ERP44: variants seen among roughly 807,000 people sequenced by gnomAD.
ERP44 encodes the protein endoplasmic reticulum protein 44, also known as endoplasmic reticulum resident protein 44.
In ERP44, 25 loss-of-function variants were observed where a neutral mutation model predicts 53.4. That is an observed-to-expected ratio of 0.47 (90% confidence interval 0.34 to 0.65). The LOEUF (loss-of-function observed/expected upper bound fraction) is 0.65, where lower values mean the gene tolerates loss of function less well. ERP44 is among the 30% of genes least tolerant of loss of function. The probability of loss-of-function intolerance (pLI) is 0.01; values close to 1 mark genes in which losing one functional copy is unlikely to be tolerated. For missense variants in ERP44, 338 were observed against 493.2 expected, an observed-to-expected ratio of 0.69 and a Z score of 2.98; for synonymous variants, 145 against 161.2, an observed-to-expected ratio of 0.90 and a Z score of 0.76.
intron 3 of ERP44, among the ~76,000 whole-genome samples, chr9:100,057,559 G>A (rs1298635583): frequency 6.6e-6 from 1 of 152,136 alleles, no homozygotes; most frequent in Admixed American, 6.5e-5. Flanking sequence ...TGTTCCCTTT[G>A]AGTCGGGGGT....
At chr9:100,068,234 G>A (rs1471820309) in intron 1 of ERP44, among the ~76,000 whole-genome samples, 1 of 145,334 alleles carries the variant, frequency 6.9e-6, no homozygotes, top group Non-Finnish European at 1.5e-5. Flanking sequence ...CCGGCCAGCC[G>A]CCCCGTACGG....
Position 100,076,780 on chromosome 9 carries a change from C to A in ERP44, c.58-16608G>T, listed in dbSNP as rs374293295. On this transcript the variant is annotated intron_variant, in intron 1 of 11. Transcript: ENST00000262455. ...GTGAGTGCTCACCAACGGGTGACTT[C>A]GGCAGAGGAGGATTTTAATAACCAA... Among the ~76,000 whole-genome samples, 9 of 152,304 alleles carry A rather than the reference C, an allele frequency of 5.9e-5. No individual in the cohort carries two copies. The East Asian group carries it at 1.4e-3, about 23-fold the overall frequency.
chr9:100,007,438 A>G, intron 9 of ERP44, 140 bp downstream of exon 9: 1 of 594,616 alleles, frequency 1.7e-6, no homozygotes, highest in Non-Finnish European at 3.0e-6. Context: ...CCTCCTTACC[A>G]TCACATTTGA....
chr9:100,026,272 A>G (rs148936446), intron 4 of ERP44, among the ~76,000 whole-genome samples: 7 of 152,318 alleles, frequency 4.6e-5, no homozygotes, highest in Admixed American at 4.6e-4. Context: ...GACAACGTCT[A>G]CTTTGGAAAG....
chr9:100,090,199 C>G (rs911416224), intron 1 of ERP44, among the ~76,000 whole-genome samples: 1 of 152,128 alleles, frequency 6.6e-6, no homozygotes, highest in Non-Finnish European at 1.5e-5. Context: ...TTATTCTCAG[C>G]CCTTTCAGAG....
intron 1 of ERP44, among the ~76,000 whole-genome samples, chr9:100,077,464 C>T (rs959157322): frequency 5.3e-5 from 8 of 152,222 alleles, no homozygotes; most frequent in African/African-American, 1.9e-4. Context: ...TGCTCTGAAT[C>T]AACATCCAAT....
chr9:100,098,727 G>C, intron 1 of ERP44, 57 bp downstream of exon 1: 1 of 1,436,598 alleles, frequency 7.0e-7, no homozygotes, highest in Admixed American at 1.7e-5. Flanking sequence ...TTCCCCCTGG[G>C]CGAGGGCCGG....
chr9:100,031,806 A>T (rs1825793577), intron 4 of ERP44, among the ~76,000 whole-genome samples: 1 of 152,022 alleles, frequency 6.6e-6, no homozygotes, highest in Admixed American at 6.6e-5. Flanking sequence ...TTTGGGAAAA[A>T]CCTCTGTTTT....
chr9:100,065,437 C>T (rs566085850), intron 1 of ERP44, among the ~76,000 whole-genome samples: 1 of 152,090 alleles, frequency 6.6e-6, no homozygotes, highest in Non-Finnish European at 1.5e-5. Context: ...CCATGCGTGA[C>T]TGTACTATAT....
intron 1 of ERP44, among the ~76,000 whole-genome samples, chr9:100,070,861 G>T (rs1826294179): frequency 6.6e-6 from 1 of 152,126 alleles, no homozygotes; most frequent in African/African-American, 2.4e-5. Flanking sequence ...CCCCCCAGAA[G>T]TAGACTCTGA....
At chr9:100,063,087 A>AAAAAAAAAAACAAAAAAAAAAAC (rs1342665956) in intron 1 of ERP44, among the ~76,000 whole-genome samples, 2 of 148,518 alleles carry the variant, frequency 1.3e-5, no homozygotes, top group Admixed American at 6.8e-5. Context: ...AAAAAAAAAA[A>AAAAAAAAAAACAAAAAAAAAAAC]AAAAAAGAGA....
At chr9:99,982,814 T>A in intron 11 of ERP44, 101 bp from the exon 12 acceptor site, 1 of 560,466 alleles carries the variant, frequency 1.8e-6, no homozygotes, top group Non-Finnish European at 2.8e-6. Context: ...CTATAATTAT[T>A]TGCTTATTAA....
intron 1 of ERP44, among the ~76,000 whole-genome samples, chr9:100,076,105 T>C (rs1238458898): frequency 6.6e-6 from 1 of 152,204 alleles, no homozygotes; most frequent in African/African-American, 2.4e-5. Context: ...CTTGGCCTGT[T>C]AGTGAGCTTT....
chr9:100,087,598 G>A (rs985470291), intron 1 of ERP44, among the ~76,000 whole-genome samples: 1 of 152,096 alleles, frequency 6.6e-6, no homozygotes, highest in Non-Finnish European at 1.5e-5. Flanking sequence ...AAGCAGGAGA[G>A]GTCTTTATCT....
chr9:100,009,486 C>G (rs1413999732), intron 8 of ERP44, among the ~76,000 whole-genome samples: 1 of 152,136 alleles, frequency 6.6e-6, no homozygotes, highest in African/African-American at 2.4e-5. Context: ...CTCTCCCCAC[C>G]CCCTGGCATC....
At chr9:100,088,166 TA>T (rs1315007819) in intron 1 of ERP44, among the ~76,000 whole-genome samples, 5 of 152,092 alleles carry the variant, frequency 3.3e-5, no homozygotes, top group Non-Finnish European at 7.4e-5. Flanking sequence ...CAGCAATTTT[TA>T]AAAAATAAAA....
intron 10 of ERP44, chr9:99,998,278 G>A (rs1587957521): frequency 5.6e-6 from 2 of 354,710 alleles, no homozygotes; most frequent in East Asian, 1.4e-4. Context: ...GCTCGTCCAC[G>A]GAGGGCTGGT....
intron 10 of ERP44, among the ~76,000 whole-genome samples, chr9:99,994,730 C>T (rs778509171): frequency 1.5e-4 from 23 of 152,168 alleles, no homozygotes; most frequent in Non-Finnish European, 2.9e-4. Flanking sequence ...TGTACCTACT[C>T]TTTCACCTAT....
chr9:100,034,541 C>T (rs1825829203), intron 4 of ERP44, among the ~76,000 whole-genome samples: 1 of 151,982 alleles, frequency 6.6e-6, no homozygotes, highest in East Asian at 1.9e-4. Context: ...CCTTGCTTTC[C>T]TAATTAATTT....
Sources: gnomAD v4.1 joint callset for allele counts (sites outside exome capture counted in the v4.1 genomes callset) on GRCh38, gnomAD v4.1.1 for gene constraint, MANE v1.5 for transcripts, NCBI Gene and HGNC (gene_info 2026-07-23, HGNC 2026-07-21) for gene names.